Variants in SIPA1L3 observed in about 807,000 individuals in gnomAD.
SIPA1L3 encodes signal-induced proliferation-associated 1-like protein 3.
In SIPA1L3, 59 loss-of-function variants were observed where a neutral mutation model predicts 150.1. The observed-to-expected ratio is 0.39, with a 90% CI of 0.32 to 0.49. SIPA1L3 has a LOEUF of 0.49. SIPA1L3 is among the 20% of genes least tolerant of loss of function. The probability of loss-of-function intolerance (pLI) is 0.86; values close to 1 mark genes in which losing one functional copy is unlikely to be tolerated. For missense variants in SIPA1L3, 2,211 were observed against 2,489.5 expected (o/e 0.89, Z 2.38); for synonymous variants, 1,070 against 1,077.6 (o/e 0.99, Z 0.14).
rs558573276 is a variant in SIPA1L3, at chr19:38,205,227, G to A, written c.5203-870G>A. Among the ~76,000 whole-genome samples the A allele has an allele frequency of 5.0e-3, 762 of 152,170 alleles. 3 individuals are homozygous for A. The highest frequency in any genetic ancestry group is 7.6e-3 in the Non-Finnish European group (519 of 68,002). On this transcript the variant is annotated intron_variant, in intron 21 of 21. Transcript: ENST00000222345. ...CTCACACCTGTAATCCCAGCACTTT[G>A]GGAGGCCGAGGTGGGTGAGGTCAGG...
intron 1 of SIPA1L3, among the ~76,000 whole-genome samples, chr19:37,926,207 C>T (rs996042970): frequency 6.6e-6 from 1 of 152,162 alleles, no homozygotes; most frequent in Non-Finnish European, 1.5e-5. Context: ...TAGTCCTCCC[C>T]CGATTCCTCC....
chr19:38,052,013 G>A (rs146112699), intron 2 of SIPA1L3, among the ~76,000 whole-genome samples: 28 of 152,312 alleles, frequency 1.8e-4, no homozygotes, highest in Middle Eastern at 3.4e-3. Context: ...GGCCAGTCTT[G>A]TTTCATCCAT....
At chr19:37,958,047 G>A (rs909443015) in intron 1 of SIPA1L3, among the ~76,000 whole-genome samples, 2 of 152,150 alleles carry the variant, frequency 1.3e-5, no homozygotes, top group African/African-American at 2.4e-5. Context: ...GATATTTGGA[G>A]ATAGGATGCC....
intron 1 of SIPA1L3, among the ~76,000 whole-genome samples, chr19:37,922,303 G>A (rs910615221): frequency 5.3e-5 from 8 of 151,808 alleles, no homozygotes; most frequent in Admixed American, 3.9e-4. Flanking sequence ...AACAAGGCTG[G>A]TCTTGAACTC....
intron 11 of SIPA1L3, among the ~76,000 whole-genome samples, chr19:38,141,730 C>T (rs1971590989): frequency 1.3e-5 from 2 of 152,162 alleles, no homozygotes; most frequent in African/African-American, 4.8e-5. Context: ...CGCCTGTAAT[C>T]CCAACATTTT....
At chr19:37,962,609 T>A (rs1309351961) in intron 1 of SIPA1L3, among the ~76,000 whole-genome samples, 1 of 151,958 alleles carries the variant, frequency 6.6e-6, no homozygotes. Context: ...GCTGGGACTA[T>A]AGGCATGCAA....
chr19:38,129,261 C>T (rs1004454054), intron 9 of SIPA1L3, among the ~76,000 whole-genome samples: 7 of 152,084 alleles, frequency 4.6e-5, no homozygotes, highest in African/African-American at 1.4e-4. Context: ...CCAGGCCCTG[C>T]GTGGTCCGAT....
chr19:38,153,339 T>C (rs1291193395), intron 13 of SIPA1L3, among the ~76,000 whole-genome samples: 1 of 152,166 alleles, frequency 6.6e-6, no homozygotes, highest in Non-Finnish European at 1.5e-5. Context: ...AACCCTCCTG[T>C]GTTGTTTTCA....
chr19:38,094,495 C>T (rs75416651), intron 4 of SIPA1L3, among the ~76,000 whole-genome samples: 3,185 of 152,278 alleles, frequency 0.021, 36 homozygotes, highest in Non-Finnish European at 0.033. Flanking sequence ...AGGTGACCCT[C>T]CTCCTTTGGC....
chr19:37,965,722 C>G (rs966528946), intron 1 of SIPA1L3, among the ~76,000 whole-genome samples: 2 of 151,378 alleles, frequency 1.3e-5, no homozygotes, highest in African/African-American at 4.9e-5. Context: ...CTGCCCCCAC[C>G]CCTAGTCCCT....
Position 38,000,583 on chromosome 19 carries a change from A to G in SIPA1L3, c.-378-28506A>G, listed in dbSNP as rs371339351. On this transcript the variant is annotated intron_variant, in intron 1 of 21. Transcript: ENST00000222345. ...GAAGCACTTTTCTCCCCAGCAGTCCATGGTTTGAGGAAATAGGCTTAATTT... is the reference window on the plus strand; with the variant it reads ...GAAGCACTTTTCTCCCCAGCAGTCCGTGGTTTGAGGAAATAGGCTTAATTT... Among the ~76,000 whole-genome samples, 9 of 150,600 alleles carry G rather than the reference A, an allele frequency of 6.0e-5. No individual in the cohort carries two copies. The East Asian group carries it at 1.8e-3, about 29-fold the overall frequency.
In SIPA1L3 at chr19:37,953,790, C is replaced by T. The variant is rs547207686; in HGVS notation, c.-379+46432C>T. ...GTGTGATTTTGCCATTGTCTGAAAT[C>T]TTGCTTTCCCCAGAATTTGTGCCCC... is the stretch of plus-strand genomic sequence containing the variant. On this transcript the variant is annotated intron_variant, in intron 1 of 21. Coordinates refer to ENST00000222345, the MANE Select transcript of SIPA1L3 (RefSeq NM_015073.3). Among the ~76,000 whole-genome samples, 15 of 152,322 alleles carry T rather than the reference C, an allele frequency of 9.8e-5. 2 individuals carry two copies. In the South Asian group the frequency reaches 3.1e-3, roughly 32 times the overall value.
chr19:38,012,364 G>A (rs1254558835), intron 1 of SIPA1L3, among the ~76,000 whole-genome samples: 1 of 152,118 alleles, frequency 6.6e-6, no homozygotes, highest in Non-Finnish European at 1.5e-5. Context: ...GGGATTACAG[G>A]TGTGAGCTAC....
At chr19:37,982,849 C>G (rs187749905) in intron 1 of SIPA1L3, among the ~76,000 whole-genome samples, 378 of 152,236 alleles carry the variant, frequency 2.5e-3, no homozygotes, top group African/African-American at 8.8e-3. Flanking sequence ...GAAAGAGGGA[C>G]GGGGTCAAGC....
At chr19:38,205,952 T>G in intron 21 of SIPA1L3, 145 bp from the exon 22 acceptor site, 1 of 891,998 alleles carries the variant, frequency 1.1e-6, no homozygotes, top group Non-Finnish European at 1.6e-6. Flanking sequence ...AGAGGCAGAG[T>G]GGGATGTGTG....
intron 1 of SIPA1L3, among the ~76,000 whole-genome samples, chr19:38,016,207 G>C (rs1174719039): frequency 6.6e-6 from 1 of 152,220 alleles, no homozygotes; most frequent in Non-Finnish European, 1.5e-5. Flanking sequence ...ATCTGGGTTT[G>C]TTGCATGAAG....
intron 12 of SIPA1L3, among the ~76,000 whole-genome samples, chr19:38,143,535 T>C (rs1012656888): frequency 2.8e-5 from 4 of 143,372 alleles, no homozygotes; most frequent in African/African-American, 2.6e-5. Flanking sequence ...GAGGGATCTT[T>C]CTGTGTCTTT....
In SIPA1L3 at chr19:38,162,245, T is replaced by C. The variant is rs769893866; in HGVS notation, c.3662-8T>C. On this transcript the variant is annotated splice_region_variant and splice_polypyrimidine_tract_variant and intron_variant, in intron 13 of 21. Coordinates refer to ENST00000222345, the MANE Select transcript of SIPA1L3 (RefSeq NM_015073.3). ...CTAACCACTGGTGTGTCTCCTGTTTTCCTACAGAGCCTTTGTGGCATGTGC... is the reference window on the plus strand; with the variant it reads ...CTAACCACTGGTGTGTCTCCTGTTTCCCTACAGAGCCTTTGTGGCATGTGC... 5 of 1,612,846 alleles carry C rather than the reference T, an allele frequency of 3.1e-6. No individual in the cohort carries two copies. Among genetic ancestry groups the C allele is most frequent in the Non-Finnish European group, 4.2e-6 (5 of 1,178,770 alleles).
chr19:38,100,924 C>A, intron 5 of SIPA1L3, 128 bp from the exon 6 acceptor site: 1 of 1,066,826 alleles, frequency 9.4e-7, no homozygotes, highest in Non-Finnish European at 1.2e-6. Context: ...CCCTGTCTGG[C>A]TATGGCTCTG....
Sources: gnomAD v4.1 joint callset for allele counts (sites outside exome capture counted in the v4.1 genomes callset) on GRCh38, gnomAD v4.1.1 for gene constraint, MANE v1.5 for transcripts, NCBI Gene and HGNC (gene_info 2026-07-23, HGNC 2026-07-21) for gene names.